The following CEP55 variants were observed in gnomAD, a reference collection of about 807,000 sequenced individuals.
CEP55 encodes centrosomal protein of 55 kDa.
Under a neutral mutation model 63.2 loss-of-function variants are expected in CEP55, and 57 were observed. The observed-to-expected ratio is 0.90, with a 90% CI of 0.73 to 1.13. The LOEUF (loss-of-function observed/expected upper bound fraction) is 1.13. CEP55 is among the 50% of genes most tolerant of loss of function. CEP55 has a pLI of 0.00. For missense variants in CEP55, 456 were observed against 518.9 expected (o/e 0.88, Z 1.18); for synonymous variants, 178 against 191.6 (o/e 0.93, Z 0.59).
chr10:93,526,978 A>T (rs1343996871), intron 8 of CEP55, among the ~76,000 whole-genome samples: 1 of 152,192 alleles, frequency 6.6e-6, no homozygotes. Context: ...GATATACCCA[A>T]TGTAAATGAT....
In CEP55 at chr10:93,528,357, G is replaced by T. The variant is rs1589662976; in HGVS notation, c.*204G>T. The T allele has an allele frequency of 1.7e-6, 1 of 581,302 alleles. No individual in the cohort carries two copies. Among genetic ancestry groups the T allele is most frequent in the East Asian group, 2.9e-5 (1 of 34,514 alleles). 36.0% of individuals were successfully genotyped at this position (581,302 alleles called of 1,614,324 possible). ...ACCTCCCTGACATGGTTCATCATCAGGCTGCAATGACAGAATGTGGTGAGC... is the reference window on the plus strand; with the variant it reads ...ACCTCCCTGACATGGTTCATCATCATGCTGCAATGACAGAATGTGGTGAGC... On this transcript the variant is annotated 3_prime_UTR_variant, in exon 9 of 9. Coordinates refer to ENST00000371485, the MANE Select transcript of CEP55 (RefSeq NM_018131.5).
intron 3 of CEP55, among the ~76,000 whole-genome samples, chr10:93,504,509 G>A (rs879030414): frequency 6.6e-6 from 1 of 151,760 alleles, no homozygotes; most frequent in Non-Finnish European, 1.5e-5. Flanking sequence ...AAAATCTGTA[G>A]CTTTCAAATA....
intron 3 of CEP55, among the ~76,000 whole-genome samples, chr10:93,506,262 A>G (rs2057687717): frequency 6.6e-6 from 1 of 152,246 alleles, no homozygotes; most frequent in Non-Finnish European, 1.5e-5. Flanking sequence ...TATTATTAAT[A>G]CAAAACATGA....
Position 93,503,173 on chromosome 10 carries a change from A to G in CEP55, c.244A>G (p.Lys82Glu). The G allele has an allele frequency of 6.2e-7, 1 of 1,614,196 alleles. No homozygotes were observed. The highest frequency in any genetic ancestry group is 8.5e-7 in the Non-Finnish European group (1 of 1,180,016). The change falls in exon 3 of 9, where the codon AAA becomes GAA. Residue 82 changes from lysine (K) to glutamate (E), a missense_variant. By Grantham distance (56) the Lys-to-Glu change is moderately conservative. Transcript: ENST00000371485. ...TGCTTATCAACTCACAGAGAAGGAC[A>G]AAGAAATACAGCGACTGAGAGACCA... ...KNAYQLTEKD[K>E]EIQRLRDQLK... is the part of the protein sequence containing the mutation.
chr10:93,526,027 G>A (rs938678630), intron 8 of CEP55, among the ~76,000 whole-genome samples: 5 of 152,156 alleles, frequency 3.3e-5, no homozygotes, highest in Non-Finnish European at 5.9e-5. Flanking sequence ...ATAGGTATGG[G>A]CAAGGACTTC....
rs921312366 is a variant in CEP55, at chr10:93,519,597, T to G, written c.1066-85T>G. On this transcript the variant is annotated intron_variant, in intron 7 of 8. Coordinates refer to ENST00000371485, the MANE Select transcript of CEP55 (RefSeq NM_018131.5). ...TGGTACAATAAATATTTTCTTCATGTGCTAATAAAAAAATGTGAGCATCCA... is the reference window on the plus strand; with the variant it reads ...TGGTACAATAAATATTTTCTTCATGGGCTAATAAAAAAATGTGAGCATCCA... 9.9e-6 allele frequency: 14 copies of G among 1,412,082 alleles called. No homozygotes were observed. In the East Asian group the frequency reaches 3.2e-4, roughly 32 times the overall value. 87.5% of individuals were successfully genotyped at this position (1,412,082 alleles called of 1,614,324 possible).
chr10:93,505,188 A>G (rs1255146226), intron 3 of CEP55, among the ~76,000 whole-genome samples: 1 of 152,228 alleles, frequency 6.6e-6, no homozygotes, highest in Non-Finnish European at 1.5e-5. Context: ...ATTAACTAGT[A>G]TGTCTGACTC....
chr10:93,514,975 G>C (rs2057789057), intron 4 of CEP55, among the ~76,000 whole-genome samples: 2 of 152,156 alleles, frequency 1.3e-5, no homozygotes, highest in Admixed American at 6.5e-5. Context: ...GTTTCACCAT[G>C]TTGGCCAGGC....
Position 93,518,214 on chromosome 10 carries a change from A to G in CEP55, c.994-663A>G, listed in dbSNP as rs139825762. On this transcript the variant is annotated intron_variant, in intron 6 of 8. Transcript: ENST00000371485. ...GCCCAGGCTGGAATGCAATGGCGTA[A>G]TCTCAGCTCACTGTAACCTCCACCT... 5.8e-3 allele frequency among the ~76,000 whole-genome samples: 884 copies of G among 151,678 alleles called. 12 individuals are homozygous for G. Among genetic ancestry groups the G allele is most frequent in the African/African-American group, 0.02 (846 of 41,320 alleles).
chr10:93,521,389 G>A (rs913383115), intron 8 of CEP55, among the ~76,000 whole-genome samples: 1 of 152,212 alleles, frequency 6.6e-6, no homozygotes, highest in Non-Finnish European at 1.5e-5. Context: ...GTAGCAGTGA[G>A]GCTGGGGGAG....
chr10:93,518,062 A>G (rs1392483295), intron 6 of CEP55, among the ~76,000 whole-genome samples: 2 of 152,240 alleles, frequency 1.3e-5, no homozygotes, highest in Non-Finnish European at 2.9e-5. Flanking sequence ...TATTTTAATA[A>G]TAATTTTTAA....
chr10:93,508,287 TC>T (rs1188697603), intron 4 of CEP55, among the ~76,000 whole-genome samples: 1 of 152,186 alleles, frequency 6.6e-6, no homozygotes, highest in Non-Finnish European at 1.5e-5. Flanking sequence ...AAGTATTAGG[TC>T]AGTATGTTGG....
At chr10:93,510,113 C>G (rs1056708470) in intron 4 of CEP55, among the ~76,000 whole-genome samples, 3 of 152,162 alleles carry the variant, frequency 2.0e-5, no homozygotes, top group Non-Finnish European at 2.9e-5. Flanking sequence ...GTTCAGTTAC[C>G]ATTTCGCTCT....
In CEP55 at chr10:93,507,001, A is replaced by G; in HGVS notation, c.473A>G (p.Asn158Ser). 4 of 1,586,692 alleles carry G rather than the reference A, an allele frequency of 2.5e-6. No individual in the cohort carries two copies. The highest frequency in any genetic ancestry group is 3.5e-6 in the Non-Finnish European group (4 of 1,155,422). Residue 158 changes from asparagine to serine, a missense_variant, in exon 4 of 9, where the codon AAC becomes AGC. Transcript: ENST00000371485. ...GATTATTTACAGACTGTGGCTCCAA[A>G]CTGCTTCAACTCATCAATAAATAAT... ...TLRLSQTVAP[N>S]CFNSSINNIH... is the part of the protein sequence containing the mutation.
Position 93,515,480 on chromosome 10 carries a change from A to C in CEP55, c.604A>C (p.Ile202Leu). The C allele has an allele frequency of 1.2e-6, 2 of 1,613,860 alleles. No individual in the cohort carries two copies. Among genetic ancestry groups the C allele is most frequent in the South Asian group, 1.1e-5 (1 of 91,072 alleles). ...CTATGTAAAAGGACTTTTAGCAAAG[A>C]TCTTTGAGTTGGAAAAGAAAACGGA... Reference protein sequence around the residue: ...EVYVKGLLAKIFELEKKTETA... With the variant: ...EVYVKGLLAKLFELEKKTETA... The change falls in exon 5 of 9, where the codon ATC becomes CTC. Residue 202 changes from isoleucine to leucine, a missense_variant. Physicochemically the swap from Ile to Leu is conservative, Grantham distance 5. Coordinates refer to ENST00000371485, the MANE Select transcript of CEP55 (RefSeq NM_018131.5).
At chr10:93,519,643 T>A in intron 7 of CEP55, 39 bp from the exon 8 acceptor site, 1 of 1,606,398 alleles carries the variant, frequency 6.2e-7, no homozygotes, top group Non-Finnish European at 8.5e-7. Context: ...CTAGACAGTC[T>A]GTATCAGCTG....
At chr10:93,504,185 T>C (rs562728255) in intron 3 of CEP55, among the ~76,000 whole-genome samples, 57 of 152,106 alleles carry the variant, frequency 3.7e-4, no homozygotes, top group Non-Finnish European at 5.6e-4. Flanking sequence ...ATTAATATCA[T>C]CTATAGGCTG....
chr10:93,520,932 G>A (rs1210602729), intron 8 of CEP55, among the ~76,000 whole-genome samples: 1 of 152,278 alleles, frequency 6.6e-6, no homozygotes, highest in South Asian at 2.1e-4. Context: ...ACCATTCAAA[G>A]CTTAGGGAGC....
rs753896827 is a variant in CEP55 at position 93,506,950 on chromosome 10, G to A, written c.460-38G>A. The A allele has an allele frequency of 4.6e-6, 6 of 1,299,554 alleles. No individual in the cohort carries two copies. In the South Asian group the frequency reaches 5.9e-5, roughly 13 times the overall value. The allele number at this position is 1,299,554 out of a possible 1,614,324, so 80.5% of individuals were successfully genotyped here. A position where few individuals can be genotyped will look rare whatever the true frequency, so the allele number is the denominator to read the frequency against. Reference sequence around the variant, plus strand: ...AATGTAATGAGGCAACTTCTATTGTGGAATGTCTGATGTTAACTAATGTTG... The same window carrying A: ...AATGTAATGAGGCAACTTCTATTGTAGAATGTCTGATGTTAACTAATGTTG... On this transcript the variant is annotated intron_variant, in intron 3 of 8. Transcript: ENST00000371485.
Sources: gnomAD v4.1 joint callset for allele counts (sites outside exome capture counted in the v4.1 genomes callset) on GRCh38, gnomAD v4.1.1 for gene constraint, MANE v1.5 for transcripts, NCBI Gene and HGNC (gene_info 2026-07-23, HGNC 2026-07-21) for gene names.